SEMA3A: variants seen among roughly 807,000 people sequenced by gnomAD.
SEMA3A encodes the protein semaphorin 3A.
SEMA3A carries 29 observed loss-of-function variants against 97.9 expected under a neutral mutation model. That is an observed-to-expected ratio of 0.30 (90% confidence interval 0.22 to 0.40). The LOEUF (loss-of-function observed/expected upper bound fraction) is 0.40. SEMA3A is among the 10% of genes least tolerant of loss of function. SEMA3A has a pLI of 1.00. For synonymous variants in SEMA3A, 321 were observed against 323.7 expected, an observed-to-expected ratio of 0.99 and a Z score of 0.09; for missense variants, 763 against 951.3, an observed-to-expected ratio of 0.80 and a Z score of 2.60.
intron 3 of SEMA3A, among the ~76,000 whole-genome samples, chr7:84,116,834 T>C (rs1467770669): frequency 5.3e-5 from 8 of 152,172 alleles, no homozygotes; most frequent in Admixed American, 5.2e-4. Flanking sequence ...AGAACATAAA[T>C]TTCTGCTGTT....
At chr7:84,130,056 C>T (rs1795918144) in intron 2 of SEMA3A, among the ~76,000 whole-genome samples, 1 of 151,968 alleles carries the variant, frequency 6.6e-6, no homozygotes, top group African/African-American at 2.4e-5. Flanking sequence ...TGAGCAATTC[C>T]AATGACTCCT....
In SEMA3A at chr7:84,425,272, GTAT is replaced by G. The variant is rs904305988; in HGVS notation, c.-245-53375_-245-53373del. Reference sequence around the variant, plus strand: ...AAATATATAATATAATTTTAAATATGTATTTATATAATATATTTATATTTATAT... The same window carrying G: ...AAATATATAATATAATTTTAAATATGTTATATAATATATTTATATTTATAT... On this transcript the variant is annotated intron_variant, in intron 1 of 3. Transcript: ENST00000424555. 4.8e-4 allele frequency among the ~76,000 whole-genome samples: 58 copies of G among 119,606 alleles called. No homozygotes were observed. The South Asian group carries it at 0.01, about 21-fold the overall frequency. 78.5% of individuals were successfully genotyped at this position (119,606 alleles called of 152,430 possible). A position where few individuals can be genotyped will look rare whatever the true frequency, so the allele number is the denominator to read the frequency against.
intron 12 of SEMA3A, among the ~76,000 whole-genome samples, chr7:83,990,235 T>G (rs1430028538): frequency 6.6e-6 from 1 of 152,162 alleles, no homozygotes; most frequent in African/African-American, 2.4e-5. Context: ...GTCAGATAAG[T>G]AGGTTGCAAA....
At chr7:84,240,413 G>A (rs1799330488) in intron 3 of SEMA3A, among the ~76,000 whole-genome samples, 1 of 151,776 alleles carries the variant, frequency 6.6e-6, no homozygotes, top group Non-Finnish European at 1.5e-5. Context: ...GTCCTTATAA[G>A]AGAGAGGGCG....
At chr7:84,296,207 G>A (rs1190271449) in intron 3 of SEMA3A, among the ~76,000 whole-genome samples, 2 of 152,016 alleles carry the variant, frequency 1.3e-5, no homozygotes, top group Non-Finnish European at 2.9e-5. Context: ...TTGTGGTGGT[G>A]CTATTTAGCT....
chr7:84,490,545 A>G (rs1806697099), intron 1 of SEMA3A, among the ~76,000 whole-genome samples: 1 of 152,046 alleles, frequency 6.6e-6, no homozygotes, highest in South Asian at 2.1e-4. Context: ...TAAAATTTTC[A>G]TTCACCAATT....
chr7:84,371,980 TAAAC>T (rs1394271345), intron 1 of SEMA3A: 1 of 152,026 alleles, frequency 6.6e-6, no homozygotes, highest in African/African-American at 2.4e-5. Flanking sequence ...ACTGGTTTAA[TAAAC>T]AAAAAAGCAC....
At chr7:84,062,692 G>T (rs1006581304) in intron 4 of SEMA3A, among the ~76,000 whole-genome samples, 1 of 152,190 alleles carries the variant, frequency 6.6e-6, no homozygotes, top group African/African-American at 2.4e-5. Flanking sequence ...ACTCCCACCC[G>T]AATACTGCGC....
chr7:84,069,728 A>T (rs1327813671), intron 4 of SEMA3A, among the ~76,000 whole-genome samples: 3 of 120,970 alleles, frequency 2.5e-5, no homozygotes, highest in South Asian at 2.9e-4. Flanking sequence ...AAAAGTTACA[A>T]CATTACATAG....
chr7:84,294,005 C>CA (rs1298390468), intron 3 of SEMA3A, among the ~76,000 whole-genome samples: 1 of 151,960 alleles, frequency 6.6e-6, no homozygotes, highest in Non-Finnish European at 1.5e-5. Context: ...AGAAAGCCTC[C>CA]AGTCAAATGT....
chr7:84,151,989 G>A (rs1796686778), intron 1 of SEMA3A, among the ~76,000 whole-genome samples: 1 of 150,258 alleles, frequency 6.7e-6, no homozygotes, highest in Non-Finnish European at 1.5e-5. Flanking sequence ...AAACCACAAT[G>A]AGATACCATC....
intron 2 of SEMA3A, among the ~76,000 whole-genome samples, chr7:84,352,813 T>C (rs1027633972): frequency 1.1e-4 from 17 of 151,906 alleles, no homozygotes; most frequent in Non-Finnish European, 2.4e-4. Flanking sequence ...TGGAGTTAGA[T>C]GGCCACATCA....
intron 1 of SEMA3A, among the ~76,000 whole-genome samples, chr7:84,449,758 G>A (rs1217487629): frequency 6.6e-6 from 1 of 151,988 alleles, no homozygotes; most frequent in Non-Finnish European, 1.5e-5. Context: ...CATGTCCTCT[G>A]GCAATCGTCA....
At position 83,981,377 on chromosome 7, in the gene SEMA3A, G is replaced by A. The variant is rs971711679; in HGVS notation, c.1596C>T (p.Asp532=). ...CAGAACCATCCCAAGCACAGTAAGG[G>A]TCTCGGGCGAGGCAACACTCAGCAC... is the stretch of plus-strand genomic sequence containing the variant. ...KACAECCLAR[D]PYCAWDGSAC... Residue 532 remains aspartate, a synonymous_variant, in exon 14 of 17, where the codon GAC becomes GAT. Coordinates refer to ENST00000265362, the MANE Select transcript of SEMA3A (RefSeq NM_006080.3). 6 of 1,613,966 alleles carry A rather than the reference G, an allele frequency of 3.7e-6. No homozygotes were observed. The African/African-American group carries it at 5.3e-5, about 14-fold the overall frequency.
intron 1 of SEMA3A, among the ~76,000 whole-genome samples, chr7:84,173,649 C>A (rs566751701): frequency 6.6e-6 from 1 of 151,140 alleles, no homozygotes; most frequent in Non-Finnish European, 1.5e-5. Flanking sequence ...TACATTTCTA[C>A]ATAATGGAGA....
In SEMA3A at chr7:84,044,774, C is replaced by T. The variant is rs922251133; in HGVS notation, c.667+1550G>A. Among the ~76,000 whole-genome samples the T allele has an allele frequency of 2.0e-5, 3 of 151,954 alleles. No homozygotes were observed. The South Asian group carries it at 6.2e-4, about 32-fold the overall frequency. On this transcript the variant is annotated intron_variant, in intron 6 of 16. Coordinates refer to ENST00000265362, the MANE Select transcript of SEMA3A (RefSeq NM_006080.3). The stretch of plus-strand genomic sequence containing the variant: ...GACTTTGTGGCATACCATGAGAGAA[C>T]AGTTTTGCATGGGATAAGTAAGATT...
chr7:84,354,826 T>C (rs1030816491), intron 2 of SEMA3A, among the ~76,000 whole-genome samples: 1 of 151,782 alleles, frequency 6.6e-6, no homozygotes, highest in Non-Finnish European at 1.5e-5. Context: ...ATTGGTGTTT[T>C]TAAGAACATG....
chr7:84,286,795 G>A (rs73185135), intron 3 of SEMA3A, among the ~76,000 whole-genome samples: 9,275 of 152,038 alleles, frequency 0.061, 531 homozygotes, highest in East Asian at 0.3. Context: ...GGACCTTAGC[G>A]AGGTTTTGAT....
At chr7:84,194,431 C>A (rs769570408) in intron 1 of SEMA3A, 44 bp downstream of exon 1, 2 of 1,195,750 alleles carry the variant, frequency 1.7e-6, no homozygotes, top group Non-Finnish European at 1.2e-6. Context: ...AGGGGGGGGG[C>A]GGTTATTACA....
Sources: allele counts gnomAD v4.1 joint callset (sites outside exome capture counted in the v4.1 genomes callset), GRCh38; gene constraint gnomAD v4.1.1; transcripts MANE v1.5; gene names NCBI Gene and HGNC (gene_info 2026-07-23, HGNC 2026-07-21).